Variants in PTDSS1 observed in about 807,000 individuals in gnomAD.
The protein encoded by PTDSS1 is phosphatidylserine synthase 1.
Under a neutral mutation model 70.5 loss-of-function variants are expected in PTDSS1, and 45 were observed. That is an observed-to-expected ratio of 0.64 (90% CI 0.50 to 0.82). PTDSS1 has a LOEUF of 0.82. Among genes scored for constraint, PTDSS1 ranks in the 40% least tolerant of loss-of-function variants. The probability of loss-of-function intolerance (pLI) is 0.00; values close to 1 mark genes in which losing one functional copy is unlikely to be tolerated. For synonymous variants in PTDSS1, 188 were observed against 203.8 expected, an observed-to-expected ratio of 0.92 and a Z score of 0.66; for missense variants, 417 against 586.1, an observed-to-expected ratio of 0.71 and a Z score of 2.98.
chr8:96,303,304 A>T (rs1312432337), intron 6 of PTDSS1, among the ~76,000 whole-genome samples: 2 of 152,076 alleles, frequency 1.3e-5, no homozygotes, highest in African/African-American at 4.8e-5. Context: ...AGGTGGGTGG[A>T]TGAAGGAACA....
intron 2 of PTDSS1, among the ~76,000 whole-genome samples, chr8:96,273,678 T>C (rs1452112131): frequency 2.0e-5 from 3 of 152,238 alleles, no homozygotes; most frequent in Non-Finnish European, 4.4e-5. Context: ...TGAACATGAC[T>C]GACAAATTAT....
chr8:96,271,368 A>G (rs1810563659), intron 1 of PTDSS1, among the ~76,000 whole-genome samples: 1 of 152,216 alleles, frequency 6.6e-6, no homozygotes, highest in African/African-American at 2.4e-5. Flanking sequence ...GTTGATTCTT[A>G]AAAAGCTTCC....
chr8:96,287,251 T>G, intron 4 of PTDSS1, 105 bp downstream of exon 4: 11 of 1,439,590 alleles, frequency 7.6e-6, no homozygotes, highest in Non-Finnish European at 1.0e-5. Flanking sequence ...GTATTTCCTG[T>G]GTAGTTACCT....
At chr8:96,317,388 A>G (rs1811310625) in intron 9 of PTDSS1, among the ~76,000 whole-genome samples, 1 of 150,176 alleles carries the variant, frequency 6.7e-6, no homozygotes, top group Admixed American at 6.7e-5. Flanking sequence ...TCCTCAGCAC[A>G]TTGGCACAAA....
At chr8:96,309,530 C>T (rs1206703470) in intron 8 of PTDSS1, 27 bp from the exon 9 acceptor site, 1 of 1,607,090 alleles carries the variant, frequency 6.2e-7, no homozygotes, top group South Asian at 1.1e-5. Context: ...CAGCAGCTCT[C>T]AATGAATTCC....
intron 1 of PTDSS1, among the ~76,000 whole-genome samples, chr8:96,264,046 C>G (rs1387370357): frequency 6.6e-6 from 1 of 152,200 alleles, no homozygotes; most frequent in Non-Finnish European, 1.5e-5. Flanking sequence ...ATAAAATCTG[C>G]TAAAGCTGTG....
At chr8:96,311,132 C>T (rs571342739) in intron 9 of PTDSS1, among the ~76,000 whole-genome samples, 3 of 152,270 alleles carry the variant, frequency 2.0e-5, no homozygotes, top group Admixed American at 2.0e-4. Flanking sequence ...CTAGTTTAAC[C>T]TCTTGCTGTT....
intron 8 of PTDSS1, chr8:96,309,344 A>G: frequency 2.3e-6 from 1 of 436,972 alleles, no homozygotes. Flanking sequence ...TCTTTAAATG[A>G]TGCTCCCCTG....
At chr8:96,288,398 C>T in intron 4 of PTDSS1, among the ~76,000 whole-genome samples, 1 of 152,090 alleles carries the variant, frequency 6.6e-6, no homozygotes, top group African/African-American at 2.4e-5. Flanking sequence ...AATCTCGGCT[C>T]ACTGCAGCCT....
In PTDSS1 at chr8:96,319,043, A is replaced by G. The variant is rs1811336410; in HGVS notation, c.1074-1203A>G. Reference sequence around the variant, plus strand: ...ATTCTCCTGCCTCAGCCTCCCGAGTAGCTGGGACTACAGGTGTGTGCCACC... The same window carrying G: ...ATTCTCCTGCCTCAGCCTCCCGAGTGGCTGGGACTACAGGTGTGTGCCACC... On this transcript the variant is annotated intron_variant, in intron 9 of 12. Coordinates refer to ENST00000517309, the MANE Select transcript of PTDSS1 (RefSeq NM_014754.3). Among the ~76,000 whole-genome samples the G allele has an allele frequency of 2.0e-5, 3 of 150,640 alleles. No individual in the cohort carries two copies. The Admixed American group carries it at 2.0e-4, about 10-fold the overall frequency.
chr8:96,313,686 C>A (rs1811244647), intron 9 of PTDSS1, among the ~76,000 whole-genome samples: 1 of 152,170 alleles, frequency 6.6e-6, no homozygotes, highest in Non-Finnish European at 1.5e-5. Flanking sequence ...AGGGCTGCAT[C>A]CTGCCTCCCA....
rs558005395 is a variant in PTDSS1 at position 96,270,728 on chromosome 8, A to G, written c.180-2571A>G. Among the ~76,000 whole-genome samples, 41 of 152,122 alleles carry G rather than the reference A, an allele frequency of 2.7e-4. No individual in the cohort carries two copies. In the Middle Eastern group the frequency reaches 0.017, roughly 63 times the overall value. ...CCAAAGACCTCACTGTCTTTCATTA[A>G]TACATTTTTTCCTAATTAGACAAAT... is the stretch of plus-strand genomic sequence containing the variant. On this transcript the variant is annotated intron_variant, in intron 1 of 12. Coordinates refer to ENST00000517309, the MANE Select transcript of PTDSS1 (RefSeq NM_014754.3).
intron 3 of PTDSS1, among the ~76,000 whole-genome samples, chr8:96,286,383 G>T (rs911355991): frequency 3.3e-5 from 5 of 152,168 alleles, no homozygotes; most frequent in African/African-American, 1.2e-4. Flanking sequence ...ATTATGAGAT[G>T]ATAGAACAAT....
At chr8:96,307,925 A>G (rs1345865000) in intron 8 of PTDSS1, among the ~76,000 whole-genome samples, 3 of 152,202 alleles carry the variant, frequency 2.0e-5, no homozygotes, top group South Asian at 2.1e-4. Context: ...AAATTTTACA[A>G]TGCCCTATGG....
intron 1 of PTDSS1, among the ~76,000 whole-genome samples, chr8:96,263,088 C>T (rs1441208893): frequency 1.3e-5 from 2 of 152,188 alleles, no homozygotes; most frequent in Non-Finnish European, 2.9e-5. Flanking sequence ...AAATGAAACA[C>T]ATAAACCTCA....
At chr8:96,279,518 T>TA (rs978433383) in intron 2 of PTDSS1, among the ~76,000 whole-genome samples, 47 of 146,244 alleles carry the variant, frequency 3.2e-4, no homozygotes, top group South Asian at 8.8e-4. Context: ...CTACTTTTTG[T>TA]AAAAAAAAAA....
chr8:96,299,215 C>T (rs1184037416), intron 5 of PTDSS1, among the ~76,000 whole-genome samples: 1 of 152,156 alleles, frequency 6.6e-6, no homozygotes, highest in Non-Finnish European at 1.5e-5. Flanking sequence ...ATCGTGTCAT[C>T]AAGAGCTAAC....
intron 2 of PTDSS1, 68 bp from the exon 3 acceptor site, chr8:96,284,041 C>A: frequency 7.7e-7 from 1 of 1,296,690 alleles, no homozygotes; most frequent in Non-Finnish European, 1.1e-6. Flanking sequence ...TGGAGATCAG[C>A]AGCACCTTAA....
chr8:96,300,349 C>G (rs541822172), intron 6 of PTDSS1, among the ~76,000 whole-genome samples: 1 of 152,122 alleles, frequency 6.6e-6, no homozygotes, highest in South Asian at 2.1e-4. Flanking sequence ...CCCAGGCAAC[C>G]GAGAGTCTGT....
Sources: gnomAD v4.1 joint callset for allele counts (sites outside exome capture counted in the v4.1 genomes callset) on GRCh38, gnomAD v4.1.1 for gene constraint, MANE v1.5 for transcripts, NCBI Gene and HGNC (gene_info 2026-07-23, HGNC 2026-07-21) for gene names.